The following FAM3B variants were observed in gnomAD, a reference collection of about 807,000 sequenced individuals.
FAM3B encodes FAM3 metabolism regulating signaling molecule B, also known as protein FAM3B.
A neutral mutation model predicts 28.4 loss-of-function variants in FAM3B; 29 were observed. That is an observed-to-expected ratio of 1.02 (90% CI 0.76 to 1.39). FAM3B has a LOEUF of 1.39. FAM3B is among the 40% of genes most tolerant of loss of function. FAM3B has a pLI of 0.00. For synonymous variants in FAM3B, 91 were observed against 103.0 expected (o/e 0.88, Z 0.71); for missense variants, 266 against 293.9 (o/e 0.91, Z 0.69).
rs546469260 is a variant in FAM3B, at chr21:41,337,063, T to C, written c.164-1315T>C. Among the ~76,000 whole-genome samples the C allele has an allele frequency of 4.6e-5, 7 of 152,352 alleles. No individual in the cohort carries two copies. The East Asian group carries it at 1.4e-3, about 29-fold the overall frequency. ...ATAAGGCTTTACTACTTCCATTTTGTTCATTGTTTCCTGGTTGTTTTGTAG... is the reference window on the plus strand; with the variant it reads ...ATAAGGCTTTACTACTTCCATTTTGCTCATTGTTTCCTGGTTGTTTTGTAG... On this transcript the variant is annotated intron_variant, in intron 2 of 7. Transcript: ENST00000357985.
intron 6 of FAM3B, among the ~76,000 whole-genome samples, chr21:41,347,536 C>T (rs1302818775): frequency 6.6e-6 from 1 of 152,014 alleles, no homozygotes; most frequent in Non-Finnish European, 1.5e-5. Context: ...AGGCGGATCA[C>T]GAGGTCAAGG....
At chr21:41,345,799 C>A in intron 5 of FAM3B, 63 bp downstream of exon 5, 1 of 1,075,326 alleles carries the variant, frequency 9.3e-7, no homozygotes, top group Non-Finnish European at 1.4e-6. Context: ...GATTAAAAAG[C>A]ACAAAGAAAA....
At chr21:41,338,684 G>A (rs1456817834) in intron 3 of FAM3B, among the ~76,000 whole-genome samples, 183 bp downstream of exon 3, 1 of 152,144 alleles carries the variant, frequency 6.6e-6, no homozygotes, top group Admixed American at 6.5e-5. Flanking sequence ...GGAAGGAGCT[G>A]ATTGTCTCTA....
Position 41,316,858 on chromosome 21 carries a change from G to A in FAM3B, c.-22G>A. ...CGCCTGGGAGCTGCCGCCAGGGCCAGGAGGGGAGCGGCACCTGGAAGATGC... is the reference window on the plus strand; with the variant it reads ...CGCCTGGGAGCTGCCGCCAGGGCCAAGAGGGGAGCGGCACCTGGAAGATGC... On this transcript the variant is annotated 5_prime_UTR_variant, in exon 1 of 8. Transcript: ENST00000357985. The A allele has an allele frequency of 1.4e-6, 2 of 1,429,562 alleles. No individual in the cohort carries two copies. Among genetic ancestry groups the A allele is most frequent in the East Asian group, 2.9e-5 (1 of 34,526 alleles). 88.6% of individuals were successfully genotyped at this position (1,429,562 alleles called of 1,614,324 possible). A position where few individuals can be genotyped will look rare whatever the true frequency, so the allele number is the denominator to read the frequency against.
intron 1 of FAM3B, among the ~76,000 whole-genome samples, chr21:41,305,398 G>A (rs578061258): frequency 5.3e-5 from 8 of 152,108 alleles, no homozygotes; most frequent in South Asian, 4.2e-4. Context: ...TCAGAAATAC[G>A]TTCTATTTTC....
At chr21:41,349,675 G>A (rs2089097282) in intron 7 of FAM3B, among the ~76,000 whole-genome samples, 1 of 152,196 alleles carries the variant, frequency 6.6e-6, no homozygotes, top group Non-Finnish European at 1.5e-5. Flanking sequence ...GACCACCTGA[G>A]GTAGAGGAGA....
rs1348187661 is a variant in FAM3B at position 41,344,526 on chromosome 21, T to C, written c.338T>C (p.Ile113Thr). The C allele has an allele frequency of 2.5e-6, 4 of 1,613,778 alleles. No individual in the cohort carries two copies. Among genetic ancestry groups the C allele is most frequent in the Middle Eastern group, 1.7e-4 (1 of 6,058 alleles). ...GNVARGINIA[I>T]VNYVTGNVTA... ...GTTGCCAGAGGAATAAACATTGCCATTGTCAACTGTAAGTTACTAAACATT... is the reference window on the plus strand; with the variant it reads ...GTTGCCAGAGGAATAAACATTGCCACTGTCAACTGTAAGTTACTAAACATT... The change falls in exon 4 of 8, where the codon ATT becomes ACT. Residue 113 changes from isoleucine to threonine, a missense_variant. Transcript: ENST00000357985.
chr21:41,313,311 A>G (rs1687954815), upstream of FAM3B, among the ~76,000 whole-genome samples: 2 of 152,276 alleles, frequency 1.3e-5, no homozygotes, highest in African/African-American at 4.8e-5. Flanking sequence ...ATTCACCAAG[A>G]TAAATACAAA....
chr21:41,340,214 C>A (rs534150324), intron 3 of FAM3B, among the ~76,000 whole-genome samples: 1 of 145,384 alleles, frequency 6.9e-6, no homozygotes, highest in African/African-American at 2.6e-5. Flanking sequence ...AGTGCAGTGG[C>A]GCCATCTCGG....
intron 3 of FAM3B, among the ~76,000 whole-genome samples, chr21:41,341,229 T>C (rs2089004660): frequency 6.6e-6 from 1 of 152,270 alleles, no homozygotes; most frequent in Non-Finnish European, 1.5e-5. Flanking sequence ...GGATGTGTCA[T>C]AGTTTATTCA....
chr21:41,347,100 G>A lies in FAM3B; in HGVS notation c.485G>A (p.Arg162Lys). Residue 162 changes from arginine (R) to lysine (K), a missense_variant and splice_region_variant, in exon 6 of 8, where the codon AGA becomes AAA. Physicochemically the swap from Arg to Lys is conservative, Grantham distance 26 (BLOSUM62 2). Coordinates refer to ENST00000357985, the MANE Select transcript of FAM3B (RefSeq NM_058186.4). ...FMVTYDDGST[R>K]LNNDAKNAIE... ...GTGACCTATGACGACGGAAGCACAA[G>A]GTGAGTGGGTGTAGGTCTGTCACAG... 1 of 1,614,048 alleles carries A rather than the reference G, an allele frequency of 6.2e-7. No homozygotes were observed. Among genetic ancestry groups the A allele is most frequent in the Non-Finnish European group, 8.5e-7 (1 of 1,179,936 alleles).
At chr21:41,304,506 G>A (rs1242024511) in intron 1 of FAM3B, among the ~76,000 whole-genome samples, 1 of 152,172 alleles carries the variant, frequency 6.6e-6, no homozygotes, top group African/African-American at 2.4e-5. Flanking sequence ...CCCAACTCCC[G>A]TCTAATTCTC....
At chr21:41,305,694 C>T (rs147962275) in intron 1 of FAM3B, among the ~76,000 whole-genome samples, 1 of 152,272 alleles carries the variant, frequency 6.6e-6, no homozygotes, top group East Asian at 1.9e-4. Context: ...AATGTGCATA[C>T]CTTAATTTTA....
chr21:41,321,738 C>G (rs180686896), intron 1 of FAM3B, among the ~76,000 whole-genome samples: 4 of 152,248 alleles, frequency 2.6e-5, no homozygotes, highest in African/African-American at 9.6e-5. Flanking sequence ...CAATAGCACA[C>G]GCTGCCTTGG....
In FAM3B at chr21:41,345,745, A is replaced by C; in HGVS notation, c.397+9A>C. 1.3e-6 allele frequency: 2 copies of C among 1,509,750 alleles called. No homozygotes were observed. The highest frequency in any genetic ancestry group is 1.8e-6 in the Non-Finnish European group (2 of 1,093,690). 93.5% of individuals were successfully genotyped at this position (1,509,750 alleles called of 1,614,324 possible). A position where few individuals can be genotyped will look rare whatever the true frequency, so the allele number is the denominator to read the frequency against. ...TGATATGTATGAAGGTGGTAAGAAA[A>C]TTTTTTCTGTTAAAATTCAAATGAA... is the stretch of plus-strand genomic sequence containing the variant. On this transcript the variant is annotated intron_variant, in intron 5 of 7. Coordinates refer to ENST00000357985, the MANE Select transcript of FAM3B (RefSeq NM_058186.4).
intron 7 of FAM3B, among the ~76,000 whole-genome samples, chr21:41,354,153 T>C (rs1443110224): frequency 1.3e-5 from 2 of 152,178 alleles, no homozygotes; most frequent in East Asian, 3.8e-4. Context: ...GCTGGCAAGG[T>C]TGCAGAGAAA....
intron 1 of FAM3B, among the ~76,000 whole-genome samples, chr21:41,311,246 A>AT (rs2088709066): frequency 1.4e-4 from 9 of 66,612 alleles, no homozygotes; most frequent in Non-Finnish European, 2.2e-4. Context: ...CAAAAAAAAA[A>AT]AAAAAATATA....
At chr21:41,350,529 C>T (rs1490106832) in intron 7 of FAM3B, among the ~76,000 whole-genome samples, 1 of 152,200 alleles carries the variant, frequency 6.6e-6, no homozygotes, top group East Asian at 1.9e-4. Flanking sequence ...TGGAGCTCCC[C>T]GGGTCCTGCC....
chr21:41,305,509 C>T (rs1053435174), intron 1 of FAM3B, among the ~76,000 whole-genome samples: 1 of 151,932 alleles, frequency 6.6e-6, no homozygotes, highest in Non-Finnish European at 1.5e-5. Context: ...GAAAAAAAAA[C>T]CTGTTTTCCT....
Sources: gnomAD v4.1 joint callset for allele counts (sites outside exome capture counted in the v4.1 genomes callset) on GRCh38, gnomAD v4.1.1 for gene constraint, MANE v1.5 for transcripts, NCBI Gene and HGNC (gene_info 2026-07-23, HGNC 2026-07-21) for gene names.